Variants in DIS3L2 observed in about 807,000 individuals in gnomAD.
DIS3L2 encodes DIS3-like exonuclease 2.
Under a neutral mutation model 97.5 loss-of-function variants are expected in DIS3L2, and 34 were observed. The observed-to-expected ratio is 0.35, with a 90% CI of 0.27 to 0.46. DIS3L2 has a LOEUF of 0.46. Ranked by LOEUF, DIS3L2 falls within the 20% of genes least tolerant of loss-of-function variation. The probability of loss-of-function intolerance (pLI) is 1.00; values close to 1 mark genes in which losing one functional copy is unlikely to be tolerated. For missense variants in DIS3L2, 1,038 were observed against 1,146.0 expected (o/e 0.91, Z 1.36); for synonymous variants, 435 against 445.2 (o/e 0.98, Z 0.29).
chr2:232,142,336 G>A (rs1286997658), intron 8 of DIS3L2, among the ~76,000 whole-genome samples: 3 of 152,294 alleles, frequency 2.0e-5, no homozygotes, highest in East Asian at 3.9e-4. Flanking sequence ...AAAGTTAAAG[G>A]AATGGAGGAG....
chr2:232,074,395 C>A (rs1260841188), intron 5 of DIS3L2, among the ~76,000 whole-genome samples: 1 of 152,076 alleles, frequency 6.6e-6, no homozygotes, highest in Non-Finnish European at 1.5e-5. Context: ...TGATTCAAGT[C>A]TTTCTCATTC....
chr2:232,099,163 T>C (rs1157733801), intron 6 of DIS3L2, among the ~76,000 whole-genome samples: 2 of 152,178 alleles, frequency 1.3e-5, no homozygotes, highest in Non-Finnish European at 2.9e-5. Context: ...GATATGTCAT[T>C]ATTTTAAAAA....
intron 10 of DIS3L2, among the ~76,000 whole-genome samples, chr2:232,236,267 T>C (rs1324887763): frequency 6.6e-6 from 1 of 152,202 alleles, no homozygotes; most frequent in Non-Finnish European, 1.5e-5. Context: ...AATAAGTAGC[T>C]ACACAGTTTG....
chr2:232,169,144 CAA>C (rs1360233773), intron 9 of DIS3L2, among the ~76,000 whole-genome samples: 1 of 151,970 alleles, frequency 6.6e-6, no homozygotes, highest in Non-Finnish European at 1.5e-5. Context: ...CCACTGCTTT[CAA>C]AGAGTTTTTA....
chr2:232,333,798 C>T (rs758213826), intron 16 of DIS3L2, 42 bp from the exon 17 acceptor site: 7 of 1,508,240 alleles, frequency 4.6e-6, no homozygotes, highest in African/African-American at 1.4e-5. Flanking sequence ...CCTGGCTGGG[C>T]AGCTCTGGGC....
intron 4 of DIS3L2, among the ~76,000 whole-genome samples, chr2:232,027,043 C>T (rs897925509): frequency 6.6e-6 from 1 of 152,136 alleles, no homozygotes; most frequent in Non-Finnish European, 1.5e-5. Flanking sequence ...TGTATACACT[C>T]TGGTTTTGGA....
intron 6 of DIS3L2, among the ~76,000 whole-genome samples, chr2:232,095,079 T>A (rs1026838495): frequency 6.6e-6 from 1 of 152,206 alleles, no homozygotes; most frequent in African/African-American, 2.4e-5. Flanking sequence ...AGGCAGCAGA[T>A]CATTGCATCT....
rs376023133 is a variant in DIS3L2, at chr2:232,337,139, A to ATGAT, written c.*514_*517dup. 93 of 1,009,976 alleles carry ATGAT rather than the reference A, an allele frequency of 9.2e-5. No homozygotes were observed. The East Asian group carries it at 1.5e-3, about 17-fold the overall frequency. The allele number at this position is 1,009,976 out of a possible 1,614,324, so 62.6% of individuals were successfully genotyped here. ...CGATTCAGAGCTGGCTGCCTGGCAG[A>ATGAT]TGATTGATACTGGAGTCTCATTCTG... On this transcript the variant is annotated 3_prime_UTR_variant, in exon 21 of 21. Transcript: ENST00000325385.
chr2:232,342,254 T>C (rs1027916963), intron 13 of DIS3L2, among the ~76,000 whole-genome samples: 2 of 122,428 alleles, frequency 1.6e-5, no homozygotes, highest in Admixed American at 8.2e-5. Context: ...TATATACACA[T>C]ACACACATAC....
chr2:232,306,012 T>G (rs986052996), intron 14 of DIS3L2, among the ~76,000 whole-genome samples: 1 of 152,068 alleles, frequency 6.6e-6, no homozygotes, highest in Non-Finnish European at 1.5e-5. Context: ...GAGTTCCACA[T>G]ACTGTGGGTT....
At chr2:232,007,454 G>T (rs1351303588) in intron 1 of DIS3L2, among the ~76,000 whole-genome samples, 1 of 152,180 alleles carries the variant, frequency 6.6e-6, no homozygotes, top group Non-Finnish European at 1.5e-5. Context: ...TCCTGTCTCA[G>T]CCTCCTGAGT....
At chr2:232,164,616 T>C (rs531482365) in intron 9 of DIS3L2, among the ~76,000 whole-genome samples, 16 of 152,352 alleles carry the variant, frequency 1.1e-4, no homozygotes, top group Admixed American at 9.8e-4. Context: ...CTTACTATTG[T>C]ATCTTTTAGT....
chr2:232,235,153 A>G (rs569215469), intron 10 of DIS3L2, among the ~76,000 whole-genome samples: 1 of 152,254 alleles, frequency 6.6e-6, no homozygotes, highest in African/African-American at 2.4e-5. Flanking sequence ...TGCCCGGGGG[A>G]TCCTTCCTCT....
chr2:232,083,277 ACCCCC>A (rs60496520), intron 5 of DIS3L2, among the ~76,000 whole-genome samples: 11,168 of 136,338 alleles, frequency 0.082, 918 homozygotes, highest in East Asian at 0.39. Flanking sequence ...TACAATTTAT[ACCCCC>A]CCCCCCCCCC....
downstream of DIS3L2, chr2:232,341,061 A>T (rs1315032579): frequency 5.0e-6 from 2 of 397,262 alleles, no homozygotes; most frequent in Admixed American, 3.1e-5. Flanking sequence ...AGGCACAATG[A>T]TTGCCACCGT....
intron 9 of DIS3L2, among the ~76,000 whole-genome samples, chr2:232,173,759 G>A (rs926831972): frequency 6.6e-6 from 1 of 152,068 alleles, no homozygotes; most frequent in African/African-American, 2.4e-5. Flanking sequence ...AAATGTATTG[G>A]TTTATTTCTG....
At position 232,015,661 on chromosome 2, in the gene DIS3L2, C is replaced by T. The variant is rs1454242969; in HGVS notation, c.200C>T (p.Thr67Ile). The change falls in exon 3 of 21, where the codon ACA (threonine) becomes ATA (isoleucine). Residue 67 changes from threonine (T) to isoleucine (I), a missense_variant. By Grantham distance (89) the Thr-to-Ile change is moderately conservative. Around this residue, in one of 3 missense-constraint regions of DIS3L2, gnomAD observed 813 missense variants for 880.1 expected, o/e 0.92. Transcript: ENST00000325385. ...GTTTCAGAAGGCTTGAAGAGAGGAA[C>T]ACTCATCCAGGTGCTTAAAATCTAC... is the stretch of plus-strand genomic sequence containing the variant. ...EDVSEGLKRGTLIQGVLRINP... is the reference protein window; with the variant it reads ...EDVSEGLKRGILIQGVLRINP... 1 of 1,613,720 alleles carries T rather than the reference C, an allele frequency of 6.2e-7. No homozygotes were observed. The highest frequency in any genetic ancestry group is 1.7e-5 in the Admixed American group (1 of 59,980).
At chr2:232,170,918 TCAACCC>T (rs1250209952) in intron 9 of DIS3L2, among the ~76,000 whole-genome samples, 1 of 152,196 alleles carries the variant, frequency 6.6e-6, no homozygotes, top group Non-Finnish European at 1.5e-5. Context: ...CTCTTTCAGG[TCAACCC>T]TTTTGTGGGA....
intron 1 of DIS3L2, among the ~76,000 whole-genome samples, chr2:231,996,899 TG>T (rs931971654): frequency 3.9e-5 from 6 of 152,258 alleles, no homozygotes; most frequent in Non-Finnish European, 7.3e-5. Flanking sequence ...CTCCACATGG[TG>T]GCCTTAGTGA....
Sources: gnomAD v4.1 joint callset for allele counts (sites outside exome capture counted in the v4.1 genomes callset) on GRCh38, gnomAD v4.1.1 for gene constraint, gnomAD v4.1.1 regional missense constraint, MANE v1.5 for transcripts, NCBI Gene and HGNC (gene_info 2026-07-23, HGNC 2026-07-21) for gene names.